Variants in XYLT1 observed in about 807,000 individuals in gnomAD.
XYLT1 encodes beta-D-xylosyltransferase 1.
A neutral mutation model predicts 91.3 loss-of-function variants in XYLT1; 36 were observed. The ratio of observed to expected loss-of-function variants is 0.39; its 90% confidence interval spans 0.30 to 0.52. XYLT1 has a LOEUF of 0.52. XYLT1 is among the 20% of genes least tolerant of loss of function. The pLI, the probability that XYLT1 is intolerant of heterozygous loss-of-function variation, is 0.68. For synonymous variants in XYLT1, 588 were observed against 532.0 expected, an observed-to-expected ratio of 1.11 and a Z score of -1.45; for missense variants, 1,242 against 1,284.5, an observed-to-expected ratio of 0.97 and a Z score of 0.51.
intron 3 of XYLT1, 59 bp downstream of exon 3, chr16:17,258,929 G>A (rs1277614368): frequency 6.8e-7 from 1 of 1,464,442 alleles, no homozygotes; most frequent in South Asian, 1.6e-5. Flanking sequence ...GAATGGGGCT[G>A]GGCAGGAGGA....
chr16:17,258,859 T>G (rs763904027), intron 3 of XYLT1, 129 bp downstream of exon 3: 3 of 1,162,952 alleles, frequency 2.6e-6, no homozygotes, highest in Non-Finnish European at 3.4e-6. Context: ...AGATCTCGTG[T>G]GCTCATCTGG....
At chr16:17,243,914 C>T (rs1323436039) in intron 3 of XYLT1, among the ~76,000 whole-genome samples, 1 of 152,124 alleles carries the variant, frequency 6.6e-6, no homozygotes, top group Non-Finnish European at 1.5e-5. Context: ...AGGTCTCCCA[C>T]CATGCTTGGC....
intron 2 of XYLT1, among the ~76,000 whole-genome samples, chr16:17,274,918 T>C (rs1391818898): frequency 6.6e-6 from 1 of 152,168 alleles, no homozygotes; most frequent in African/African-American, 2.4e-5. Flanking sequence ...GGCTCACATC[T>C]GAAATCCCAG....
At chr16:17,151,841 C>A (rs1311494780) in intron 6 of XYLT1, among the ~76,000 whole-genome samples, 1 of 152,162 alleles carries the variant, frequency 6.6e-6, no homozygotes, top group South Asian at 2.1e-4. Context: ...GGGCTGGAAT[C>A]TACCTGCCTG....
At chr16:17,327,343 C>T (rs2034820827) in intron 2 of XYLT1, among the ~76,000 whole-genome samples, 1 of 148,908 alleles carries the variant, frequency 6.7e-6, no homozygotes, top group Non-Finnish European at 1.5e-5. Flanking sequence ...GCAACAACTT[C>T]CTTTTCTTTT....
chr16:17,113,565 C>T (rs981594304), intron 11 of XYLT1, among the ~76,000 whole-genome samples: 2 of 149,982 alleles, frequency 1.3e-5, no homozygotes, highest in Admixed American at 6.6e-5. Context: ...GCTCTGGCCT[C>T]CTCCTGTCCC....
intron 5 of XYLT1, among the ~76,000 whole-genome samples, chr16:17,161,988 A>T (rs1334906931): frequency 6.6e-6 from 1 of 152,152 alleles, no homozygotes; most frequent in African/African-American, 2.4e-5. Flanking sequence ...CGAAATGAAT[A>T]AAAAAATGAG....
chr16:17,140,716 G>T (rs374003075), intron 7 of XYLT1, among the ~76,000 whole-genome samples: 81 of 148,404 alleles, frequency 5.5e-4, no homozygotes, highest in African/African-American at 2.0e-3. Flanking sequence ...GTCCTGAAAG[G>T]GTCAGCATAT....
chr16:17,338,208 C>A, intron 2 of XYLT1: 1 of 456,524 alleles, frequency 2.2e-6, no homozygotes, highest in African/African-American at 2.0e-5. Flanking sequence ...CTCACTTCTG[C>A]AATCCATTCC....
In XYLT1 at chr16:17,270,034, C is replaced by T. The variant is rs540454877; in HGVS notation, c.403-10536G>A. On this transcript the variant is annotated intron_variant, in intron 2 of 11. Transcript: ENST00000261381. ...TTCACCATGTTGGTCAGGCTGGTCT[C>T]GAACTCCTGACCTCGTGATCCACCT... 1.1e-4 allele frequency among the ~76,000 whole-genome samples: 16 copies of T among 152,126 alleles called. No individual in the cohort carries two copies. In the South Asian group the frequency reaches 3.1e-3, roughly 30 times the overall value.
At chr16:17,417,576 T>G (rs2036195586) in intron 1 of XYLT1, among the ~76,000 whole-genome samples, 1 of 152,170 alleles carries the variant, frequency 6.6e-6, no homozygotes, top group African/African-American at 2.4e-5. Flanking sequence ...AGACTGCTGC[T>G]TCTGCATCAG....
At chr16:17,240,581 T>C (rs377037422) in intron 3 of XYLT1, among the ~76,000 whole-genome samples, 7 of 152,168 alleles carry the variant, frequency 4.6e-5, no homozygotes, top group South Asian at 2.1e-4. Flanking sequence ...GGATGTAGAA[T>C]TGGAAGGTCT....
chr16:17,366,166 C>T (rs543578403), intron 1 of XYLT1, among the ~76,000 whole-genome samples: 108 of 150,600 alleles, frequency 7.2e-4, no homozygotes, highest in Non-Finnish European at 1.3e-3. Flanking sequence ...AGATTTCTCA[C>T]GTCTCCTTTA....
intron 3 of XYLT1, among the ~76,000 whole-genome samples, chr16:17,228,755 T>C (rs1052321600): frequency 1.3e-5 from 2 of 152,154 alleles, no homozygotes; most frequent in African/African-American, 4.8e-5. Flanking sequence ...CATCTGACAA[T>C]AGGAACAACA....
chr16:17,442,559 G>C (rs894607289), intron 1 of XYLT1, among the ~76,000 whole-genome samples: 1 of 152,134 alleles, frequency 6.6e-6, no homozygotes, highest in African/African-American at 2.4e-5. Context: ...ACTCTCTGCA[G>C]ACTTATCACT....
chr16:17,200,882 G>A (rs1487658152), intron 3 of XYLT1, among the ~76,000 whole-genome samples: 1 of 152,216 alleles, frequency 6.6e-6, no homozygotes, highest in Non-Finnish European at 1.5e-5. Context: ...TTTCCATTCT[G>A]AGGAGCTTAA....
intron 1 of XYLT1, among the ~76,000 whole-genome samples, chr16:17,448,991 GC>G (rs1208692513): frequency 6.6e-6 from 1 of 152,152 alleles, no homozygotes; most frequent in African/African-American, 2.4e-5. Context: ...GCACCTTGGC[GC>G]CAAGTCCCCG....
chr16:17,151,849 C>T (rs1373207785), intron 6 of XYLT1, among the ~76,000 whole-genome samples: 2 of 152,142 alleles, frequency 1.3e-5, no homozygotes, highest in African/African-American at 4.8e-5. Context: ...ATCTACCTGC[C>T]TGGCTTTCTT....
rs530063147 is a variant in XYLT1 at position 17,153,633 on chromosome 16, G to A, written c.1370+5196C>T. ...GTTTTCTTTCAATGTAGCCTTATTCGAAGCATAATATCCATAAGTCATGGT... is the reference window on the plus strand; with the variant it reads ...GTTTTCTTTCAATGTAGCCTTATTCAAAGCATAATATCCATAAGTCATGGT... On this transcript the variant is annotated intron_variant, in intron 6 of 11. Coordinates refer to ENST00000261381, the MANE Select transcript of XYLT1 (RefSeq NM_022166.4). Among the ~76,000 whole-genome samples, 8 of 152,194 alleles carry A rather than the reference G, an allele frequency of 5.3e-5. No individual in the cohort carries two copies. The East Asian group carries it at 5.8e-4, about 11-fold the overall frequency.
Sources: gnomAD v4.1 joint callset for allele counts (sites outside exome capture counted in the v4.1 genomes callset) on GRCh38, gnomAD v4.1.1 for gene constraint, MANE v1.5 for transcripts, NCBI Gene and HGNC (gene_info 2026-07-23, HGNC 2026-07-21) for gene names.